Variants in WDR3 observed in about 807,000 individuals in gnomAD.
WDR3 encodes WD repeat domain 3.
Under a neutral mutation model 123.7 loss-of-function variants are expected in WDR3, and 81 were observed. The observed-to-expected ratio is 0.65, with a 90% CI of 0.55 to 0.79. The LOEUF is 0.79. WDR3 is among the 30% of genes least tolerant of loss of function. The probability of loss-of-function intolerance (pLI) is 0.00; values close to 1 mark genes in which losing one functional copy is unlikely to be tolerated. For missense variants in WDR3, 1,027 were observed against 1,123.2 expected (o/e 0.91, Z 1.22); for synonymous variants, 390 against 388.8 (o/e 1.00, Z -0.04).
Position 117,941,769 on chromosome 1 carries a change from A to G in WDR3, c.911A>G (p.Glu304Gly). The G allele has an allele frequency of 6.2e-7, 1 of 1,611,496 alleles. No homozygotes were observed. Among genetic ancestry groups the G allele is most frequent in the South Asian group, 1.1e-5 (1 of 90,298 alleles). The change falls in exon 9 of 27, where the codon GAA becomes GGA. Residue 304 changes from glutamate to glycine, a missense_variant. By Grantham distance (98) the Glu-to-Gly change is moderately conservative. Transcript: ENST00000349139. ...TTCTAGGGAACTGACTCTGTGCTAGAATTGTTTTGTATCCTTTCCAAAAAG... is the reference window on the plus strand; with the variant it reads ...TTCTAGGGAACTGACTCTGTGCTAGGATTGTTTTGTATCCTTTCCAAAAAG... Reference protein sequence around the residue: ...LACHGTDSVLELFCILSKKEI... With the variant: ...LACHGTDSVLGLFCILSKKEI...
intron 13 of WDR3, among the ~76,000 whole-genome samples, chr1:117,948,853 T>G (rs558106927): frequency 1.6e-4 from 25 of 152,292 alleles, no homozygotes; most frequent in East Asian, 3.9e-4. Flanking sequence ...TCTATGACTG[T>G]ATAAGCTAAG....
chr1:117,934,808 T>C (rs1442157635), intron 3 of WDR3, 126 bp downstream of exon 3: 8 of 903,490 alleles, frequency 8.9e-6, no homozygotes, highest in Non-Finnish European at 8.3e-6. Context: ...AGTATAATGA[T>C]AGAGTGAAGA....
chr1:117,931,209 G>GCCAC (rs770246869), intron 1 of WDR3, among the ~76,000 whole-genome samples: 5 of 152,204 alleles, frequency 3.3e-5, no homozygotes, highest in Non-Finnish European at 5.9e-5. Flanking sequence ...ACAGGCATGA[G>GCCAC]CCACCATACC....
In WDR3 at chr1:117,934,518, C is replaced by G; in HGVS notation, c.217C>G (p.Pro73Ala). ...GLKQEVTCLCPSPDGLHLAVG... is the reference protein window; with the variant it reads ...GLKQEVTCLCASPDGLHLAVG... ...TAAACAAGAAGTTACTTGCTTATGC[C>G]CCTCCCCAGATGGGCTACACTTAGC... The change falls in exon 3 of 27, where the codon CCC becomes GCC. Residue 73 changes from proline (P) to alanine (A), a missense_variant. Transcript: ENST00000349139. The G allele has an allele frequency of 6.2e-7, 1 of 1,614,010 alleles. No individual in the cohort carries two copies. Among genetic ancestry groups the G allele is most frequent in the Admixed American group, 1.7e-5 (1 of 60,014 alleles).
chr1:117,950,219 T>A, intron 15 of WDR3, 89 bp downstream of exon 15: 1 of 1,478,832 alleles, frequency 6.8e-7, no homozygotes, highest in Non-Finnish European at 9.2e-7. Flanking sequence ...TGGCCTTGAC[T>A]GTGCCCAGCG....
intron 12 of WDR3, 60 bp from the exon 13 acceptor site, chr1:117,948,345 A>C: frequency 6.8e-7 from 1 of 1,471,730 alleles, no homozygotes; most frequent in Non-Finnish European, 9.5e-7. Flanking sequence ...TTGTGCAGTC[A>C]TGAATCATGG....
chr1:117,959,868 CA>C lies in WDR3; in HGVS notation c.*422del, dbSNP rs751304861. On this transcript the variant is annotated 3_prime_UTR_variant, in exon 27 of 27. Coordinates refer to ENST00000349139, the MANE Select transcript of WDR3 (RefSeq NM_006784.3). ...AGGTTTTACTGCCTATTGAGACAAC[CA>C]GGTGCATAATTGATTGCCCTTTGGC... The C allele has an allele frequency of 2.2e-4, 34 of 153,270 alleles. No individual in the cohort carries two copies. The highest frequency in any genetic ancestry group is 9.8e-4 in the Admixed American group (15 of 15,366). 9.5% of individuals were successfully genotyped at this position (153,270 alleles called of 1,614,324 possible).
At chr1:117,953,799 T>TC in intron 21 of WDR3, 1 of 602,522 alleles carries the variant, frequency 1.7e-6, no homozygotes, top group Admixed American at 3.1e-5. Context: ...CCCACCTGAG[T>TC]CCATGACACT....
chr1:117,946,638 C>T (rs1651392656), intron 12 of WDR3, among the ~76,000 whole-genome samples: 3 of 151,916 alleles, frequency 2.0e-5, no homozygotes, highest in South Asian at 2.1e-4. Flanking sequence ...TTAGTTTCTG[C>T]CCTTTAGAAA....
In WDR3 at chr1:117,963,646, G is replaced by C; in HGVS notation, c.*4199G>C. 3.2e-6 allele frequency: 2 copies of C among 619,160 alleles called. No individual in the cohort carries two copies. 38.4% of individuals were successfully genotyped at this position (619,160 alleles called of 1,614,324 possible). A position where few individuals can be genotyped will look rare whatever the true frequency, so the allele number is the denominator to read the frequency against. On this transcript the variant is annotated 3_prime_UTR_variant, in exon 27 of 27. Transcript: ENST00000349139. ...CCCAAAGTGCTGGGATTACAGGTGT[G>C]AGCCACCGGGCCCGGCCTAAACAAA...
At chr1:117,954,246 G>A (rs1651835246) in intron 22 of WDR3, 147 bp downstream of exon 22, 1 of 696,842 alleles carries the variant, frequency 1.4e-6, no homozygotes, top group Admixed American at 3.3e-5. Context: ...AGAAATTGAG[G>A]AAGTGTGGGA....
chr1:117,954,014 G>GTAAT lies in WDR3; in HGVS notation c.2276_2277insTAAT (p.Arg759SerfsTer8). On this transcript the variant is annotated frameshift_variant, in exon 22 of 27. Coordinates refer to ENST00000349139, the MANE Select transcript of WDR3 (RefSeq NM_006784.3). LOFTEE classifies it high-confidence loss of function. Reference sequence around the variant, plus strand: ...CTTTCTCATCCTCTGTAGGCTGAGAGGATTATGGAGGCTATTGAGTTGTAC... The same window carrying GTAAT: ...CTTTCTCATCCTCTGTAGGCTGAGAGTAATGATTATGGAGGCTATTGAGTTGTAC... 6.2e-7 allele frequency: 1 copy of GTAAT among 1,611,140 alleles called. No individual in the cohort carries two copies. The highest frequency in any genetic ancestry group is 8.5e-7 in the Non-Finnish European group (1 of 1,178,430).
At position 117,936,849 on chromosome 1, in the gene WDR3, A is replaced by G. The variant is rs765354273; in HGVS notation, c.462A>G (p.Gln154=). The change falls in exon 4 of 27, where the codon CAA becomes CAG. Residue 154 remains glutamine, a synonymous_variant. Coordinates refer to ENST00000349139, the MANE Select transcript of WDR3 (RefSeq NM_006784.3). ...RLKGHKDAIT[Q]ALFLREKNLL... ...AGGGGCACAAGGATGCCATCACACA[A>G]GCATTGTTTCTACGAGAAAAGAACC... The G allele has an allele frequency of 6.2e-7, 1 of 1,613,404 alleles. No homozygotes were observed. Among genetic ancestry groups the G allele is most frequent in the Admixed American group, 1.7e-5 (1 of 59,988 alleles).
At chr1:117,931,074 G>A (rs1650699744) in intron 1 of WDR3, among the ~76,000 whole-genome samples, 1 of 152,126 alleles carries the variant, frequency 6.6e-6, no homozygotes, top group South Asian at 2.1e-4. Context: ...CAGCCTCCCC[G>A]AGTGCGTCAC....
At chr1:117,943,683 T>G in intron 11 of WDR3, 57 bp downstream of exon 11, 1 of 1,519,308 alleles carries the variant, frequency 6.6e-7, no homozygotes, top group Non-Finnish European at 8.9e-7. Context: ...TTAATTTTTT[T>G]TGGTACTCTT....
At position 117,929,909 on chromosome 1, in the gene WDR3, G is replaced by C. The variant is rs567259282; in HGVS notation, c.-33+127G>C. ...GGGCGTGTTAAAGGCCGGTTGCTAG[G>C]GCTGGGGGAACTCAGGTAACTACGG... On this transcript the variant is annotated intron_variant, in intron 1 of 26. Transcript: ENST00000349139. 7 of 152,488 alleles carry C rather than the reference G, an allele frequency of 4.6e-5. No homozygotes were observed. In the South Asian group the frequency reaches 1.4e-3, roughly 32 times the overall value. 9.4% of individuals were successfully genotyped at this position (152,488 alleles called of 1,614,324 possible).
rs1446093980 is a variant in WDR3, at chr1:117,939,483, GGGTT to G, written c.591_594del (p.Leu197PhefsTer18). ...ATCTTTTTATATTCTATAGGTATGG[GGGTT>G]GGTTCTGTTGTCAGAAGAAAAGCGA... On this transcript the variant is annotated frameshift_variant, in exon 6 of 27. Transcript: ENST00000349139. LOFTEE classifies it high-confidence loss of function. 2 of 1,613,522 alleles carry G rather than the reference GGGTT, an allele frequency of 1.2e-6. No individual in the cohort carries two copies. Among genetic ancestry groups the G allele is most frequent in the African/African-American group, 1.3e-5 (1 of 74,868 alleles).
intron 2 of WDR3, among the ~76,000 whole-genome samples, chr1:117,934,086 CCA>C (rs1169701834): frequency 1.3e-5 from 2 of 152,100 alleles, no homozygotes; most frequent in Non-Finnish European, 2.9e-5. Flanking sequence ...TACTCTGTTG[CCA>C]CACAGATTAT....
chr1:117,952,895 T>C, intron 19 of WDR3, 51 bp from the exon 20 acceptor site: 1 of 1,598,868 alleles, frequency 6.3e-7, no homozygotes, highest in South Asian at 1.1e-5. Flanking sequence ...TCTCTTCATA[T>C]AGAGACCATG....
Sources: allele counts gnomAD v4.1 joint callset (sites outside exome capture counted in the v4.1 genomes callset), GRCh38; gene constraint gnomAD v4.1.1; transcripts MANE v1.5; gene names NCBI Gene and HGNC (gene_info 2026-07-23, HGNC 2026-07-21).